Variants in STAM observed in about 807,000 individuals in gnomAD.
STAM encodes signal transducing adapter molecule 1.
STAM carries 16 observed loss-of-function variants against 63.4 expected under a neutral mutation model. The observed-to-expected ratio is 0.25, with a 90% confidence interval of 0.17 to 0.38. The LOEUF is 0.38. Among genes scored for constraint, STAM ranks in the 10% least tolerant of loss-of-function variants. The pLI is 1.00. For synonymous variants in STAM, 238 were observed against 223.9 expected, an observed-to-expected ratio of 1.06 and a Z score of -0.56; for missense variants, 636 against 657.1, an observed-to-expected ratio of 0.97 and a Z score of 0.35.
chr10:17,693,786 C>G (rs1304004235), intron 6 of STAM, among the ~76,000 whole-genome samples: 1 of 152,014 alleles, frequency 6.6e-6, no homozygotes, highest in Non-Finnish European at 1.5e-5. Flanking sequence ...TATTCTTGTA[C>G]ATATTCTCTG....
At chr10:17,644,699 A>C (rs537686922) in intron 1 of STAM, among the ~76,000 whole-genome samples, 1 of 152,344 alleles carries the variant, frequency 6.6e-6, no homozygotes, top group South Asian at 2.1e-4. Context: ...CTGGAAGAAC[A>C]GCGAAGGGCT....
Position 17,689,444 on chromosome 10 carries a change from G to T in STAM, c.444+1271G>T, listed in dbSNP as rs989036994. 3.9e-5 allele frequency among the ~76,000 whole-genome samples: 6 copies of T among 152,086 alleles called. No homozygotes were observed. In the South Asian group the frequency reaches 1.2e-3, roughly 32 times the overall value. ...GATGTGAAGACTCAAAAATGTATCT[G>T]GGAGAGGAAGGAAGCAAAGGACATT... is the stretch of plus-strand genomic sequence containing the variant. On this transcript the variant is annotated intron_variant, in intron 5 of 13. Transcript: ENST00000377524.
intron 1 of STAM, among the ~76,000 whole-genome samples, chr10:17,652,700 A>T (rs1256981721): frequency 6.6e-6 from 1 of 152,112 alleles, no homozygotes; most frequent in Non-Finnish European, 1.5e-5. Flanking sequence ...AGTGAGAATG[A>T]TGAATTAATT....
intron 2 of STAM, among the ~76,000 whole-genome samples, chr10:17,675,525 G>A (rs1443186379): frequency 6.6e-6 from 1 of 151,278 alleles, no homozygotes; most frequent in East Asian, 1.9e-4. Context: ...AAAGATAGTA[G>A]CGTTTTCTGA....
chr10:17,705,481 C>T (rs1045011086), intron 11 of STAM, 107 bp from the exon 12 acceptor site: 137 of 1,258,224 alleles, frequency 1.1e-4, no homozygotes, highest in Non-Finnish European at 1.5e-4. Context: ...TTAATAATGT[C>T]TACTAGTACT....
intron 9 of STAM, among the ~76,000 whole-genome samples, 175 bp downstream of exon 9, chr10:17,700,454 C>G (rs546978258): frequency 2.4e-4 from 37 of 152,194 alleles, no homozygotes; most frequent in African/African-American, 8.2e-4. Context: ...CCTCTCCAGT[C>G]CTTTGTTTGC....
At chr10:17,666,619 G>A (rs572097983) in intron 2 of STAM, among the ~76,000 whole-genome samples, 4 of 151,882 alleles carry the variant, frequency 2.6e-5, no homozygotes, top group African/African-American at 4.8e-5. Flanking sequence ...GGATGGTCTC[G>A]ATATCCTGAC....
intron 9 of STAM, among the ~76,000 whole-genome samples, chr10:17,704,153 C>T (rs538661513): frequency 5.9e-5 from 9 of 152,176 alleles, no homozygotes; most frequent in African/African-American, 1.7e-4. Context: ...AGTGCAGTGG[C>T]GAGATCATAG....
At chr10:17,653,950 A>G (rs953350622) in intron 1 of STAM, among the ~76,000 whole-genome samples, 1 of 152,118 alleles carries the variant, frequency 6.6e-6, no homozygotes, top group African/African-American at 2.4e-5. Context: ...GTGAGTTGCT[A>G]TGGTGAATTA....
At chr10:17,699,479 A>T (rs1394534493) in intron 8 of STAM, among the ~76,000 whole-genome samples, 1 of 152,194 alleles carries the variant, frequency 6.6e-6, no homozygotes, top group Non-Finnish European at 1.5e-5. Flanking sequence ...AGCTACTGTT[A>T]TGTTAAATTG....
chr10:17,692,097 G>A (rs1835562486), intron 5 of STAM, among the ~76,000 whole-genome samples: 1 of 152,178 alleles, frequency 6.6e-6, no homozygotes, highest in Non-Finnish European at 1.5e-5. Flanking sequence ...ATGAGGTGTA[G>A]GTGCTATTAT....
intron 1 of STAM, among the ~76,000 whole-genome samples, chr10:17,655,155 A>G (rs1833888532): frequency 6.6e-6 from 1 of 152,164 alleles, no homozygotes; most frequent in Non-Finnish European, 1.5e-5. Flanking sequence ...AACCCTTTCA[A>G]TCTTAAATCT....
rs1037163469 is a variant in STAM, at chr10:17,716,280, G to A, written c.*1500G>A. On this transcript the variant is annotated 3_prime_UTR_variant, in exon 14 of 14. Coordinates refer to ENST00000377524, the MANE Select transcript of STAM (RefSeq NM_003473.4). Reference sequence around the variant, plus strand: ...CAGGTAGCTTGTTTATTTTCTTTTTGAGAGAAGATTAAATCTTTAGCCAGT... The same window carrying A: ...CAGGTAGCTTGTTTATTTTCTTTTTAAGAGAAGATTAAATCTTTAGCCAGT... Among the ~76,000 whole-genome samples, 1 of 151,674 alleles carries A rather than the reference G, an allele frequency of 6.6e-6. No individual in the cohort carries two copies. The highest frequency in any genetic ancestry group is 1.5e-5 in the Non-Finnish European group (1 of 67,884).
chr10:17,682,799 CT>C (rs1194722483), intron 2 of STAM, among the ~76,000 whole-genome samples: 10 of 151,982 alleles, frequency 6.6e-5, no homozygotes, highest in African/African-American at 2.2e-4. Flanking sequence ...CATATCAGTA[CT>C]TTTTTTTCTT....
intron 4 of STAM, among the ~76,000 whole-genome samples, chr10:17,687,663 A>G (rs951330749): frequency 2.6e-5 from 4 of 152,234 alleles, no homozygotes; most frequent in Non-Finnish European, 4.4e-5. Context: ...GGAATTTGGA[A>G]TAAAGGAACT....
chr10:17,644,552 C>G (rs1349147863), intron 1 of STAM, among the ~76,000 whole-genome samples, 173 bp downstream of exon 1: 1 of 152,150 alleles, frequency 6.6e-6, no homozygotes. Flanking sequence ...GGCGCATCCT[C>G]TTTGAAAGAA....
chr10:17,704,583 A>T, intron 10 of STAM, 65 bp downstream of exon 10: 1 of 1,339,190 alleles, frequency 7.5e-7, no homozygotes, highest in Non-Finnish European at 1.1e-6. Context: ...GTGTCCTGTT[A>T]AAGAATGGGT....
rs1836496617 is a variant in STAM, at chr10:17,710,225, T to C, written c.1385+1274T>C. ...TACCTTCCTTGTTACTAGAGATTAC[T>C]TGAGACTCATTCTTCAAGGTCGGGG... On this transcript the variant is annotated intron_variant, in intron 13 of 13. Coordinates refer to ENST00000377524, the MANE Select transcript of STAM (RefSeq NM_003473.4). Among the ~76,000 whole-genome samples, 3 of 152,108 alleles carry C rather than the reference T, an allele frequency of 2.0e-5. 1 individual carries two copies. The South Asian group carries it at 6.2e-4, about 32-fold the overall frequency.
chr10:17,697,610 G>A (rs1466382764), intron 8 of STAM, among the ~76,000 whole-genome samples: 1 of 152,046 alleles, frequency 6.6e-6, no homozygotes, highest in African/African-American at 2.4e-5. Flanking sequence ...CTACATAGTC[G>A]GTCAAAGTAG....
Sources: gnomAD v4.1 joint callset for allele counts (sites outside exome capture counted in the v4.1 genomes callset) on GRCh38, gnomAD v4.1.1 for gene constraint, MANE v1.5 for transcripts, NCBI Gene and HGNC (gene_info 2026-07-23, HGNC 2026-07-21) for gene names.